GABRB2: variants seen among roughly 807,000 people sequenced by gnomAD.
GABRB2 encodes the protein gamma-aminobutyric acid type A receptor subunit beta2, also known as gamma-aminobutyric acid receptor subunit beta-2.
GABRB2 carries 16 observed loss-of-function variants against 54.7 expected under a neutral mutation model. The observed-to-expected ratio is 0.29, with a 90% CI of 0.20 to 0.44. The LOEUF is 0.44. Ranked by LOEUF, GABRB2 falls within the 20% of genes least tolerant of loss-of-function variation. GABRB2 has a pLI of 1.00. For missense variants in GABRB2, 355 were observed against 644.0 expected, an observed-to-expected ratio of 0.55 and a Z score of 4.86; for synonymous variants, 244 against 233.8, an observed-to-expected ratio of 1.04 and a Z score of -0.40.
chr5:161,491,512 T>C (rs760708439), intron 3 of GABRB2, among the ~76,000 whole-genome samples: 17 of 151,682 alleles, frequency 1.1e-4, no homozygotes, highest in Non-Finnish European at 2.5e-4. Context: ...AGAACGGTAC[T>C]GGTTCCAAAC....
At chr5:161,458,686 G>A (rs1307929338) in intron 4 of GABRB2, among the ~76,000 whole-genome samples, 1 of 152,170 alleles carries the variant, frequency 6.6e-6, no homozygotes, top group Non-Finnish European at 1.5e-5. Flanking sequence ...ATCAGCCTCT[G>A]TTTCTTCATT....
rs1314622441 is a variant in GABRB2, at chr5:161,434,442, G to T, written c.459-23385C>A. Among the ~76,000 whole-genome samples, 3 of 151,990 alleles carry T rather than the reference G, an allele frequency of 2.0e-5. No homozygotes were observed. In the East Asian group the frequency reaches 5.8e-4, roughly 29 times the overall value. On this transcript the variant is annotated intron_variant, in intron 4 of 9. Transcript: ENST00000393959. ...AGGCTCTTAAAAATTACTAACAAAA[G>T]ACTCTTCTTCCCTCTCTAACCTCTC...
At chr5:161,341,920 A>G (rs1343734074) in intron 5 of GABRB2, among the ~76,000 whole-genome samples, 1 of 118,752 alleles carries the variant, frequency 8.4e-6, no homozygotes, top group Non-Finnish European at 1.7e-5. Context: ...AATTAATGCC[A>G]CTATTTATTT....
intron 5 of GABRB2, among the ~76,000 whole-genome samples, chr5:161,374,298 T>C (rs1410064454): frequency 6.6e-6 from 1 of 152,170 alleles, no homozygotes; most frequent in African/African-American, 2.4e-5. Context: ...TCTTGATATT[T>C]CATCTAGCAT....
At chr5:161,509,907 T>C (rs1181218267) in intron 3 of GABRB2, among the ~76,000 whole-genome samples, 2 of 151,970 alleles carry the variant, frequency 1.3e-5, no homozygotes, top group Non-Finnish European at 2.9e-5. Context: ...CTATAACTAC[T>C]CTAAGATTAG....
intron 5 of GABRB2, among the ~76,000 whole-genome samples, chr5:161,409,157 T>G (rs1418979410): frequency 3.3e-5 from 5 of 152,040 alleles, no homozygotes; most frequent in Non-Finnish European, 5.9e-5. Context: ...CCCTCCAAAA[T>G]CAGTGTCTTT....
At chr5:161,419,989 G>T (rs1235938328) in intron 4 of GABRB2, among the ~76,000 whole-genome samples, 1 of 152,024 alleles carries the variant, frequency 6.6e-6, no homozygotes, top group Non-Finnish European at 1.5e-5. Context: ...AATTTAAAAT[G>T]ATCATGATAA....
chr5:161,356,119 A>G (rs1422955), intron 5 of GABRB2, among the ~76,000 whole-genome samples: 84,454 of 151,906 alleles, frequency 0.56, 25,264 homozygotes, highest in Non-Finnish European at 0.67. Flanking sequence ...CATGAATAGG[A>G]TCATGTGAAG....
At chr5:161,505,065 G>A (rs1759563051) in intron 3 of GABRB2, among the ~76,000 whole-genome samples, 2 of 150,980 alleles carry the variant, frequency 1.3e-5, no homozygotes, top group African/African-American at 4.9e-5. Context: ...TTTAAAAAAT[G>A]AATGAAGAGT....
intron 3 of GABRB2, among the ~76,000 whole-genome samples, chr5:161,473,389 G>A (rs907802016): frequency 1.3e-5 from 2 of 151,968 alleles, no homozygotes; most frequent in African/African-American, 4.8e-5. Context: ...GTGTAAGTAA[G>A]GTGGCAGGTT....
chr5:161,490,028 G>A (rs919890238), intron 3 of GABRB2, among the ~76,000 whole-genome samples: 1 of 151,558 alleles, frequency 6.6e-6, no homozygotes, highest in African/African-American at 2.4e-5. Context: ...AAGCATAGAA[G>A]CTGATCACTA....
At chr5:161,461,934 G>T (rs1253705807) in intron 3 of GABRB2, among the ~76,000 whole-genome samples, 3 of 152,002 alleles carry the variant, frequency 2.0e-5, no homozygotes, top group African/African-American at 7.2e-5. Context: ...TCTAACCTTT[G>T]TTGAGATTTA....
chr5:161,482,555 T>G (rs1758793147), intron 3 of GABRB2, among the ~76,000 whole-genome samples: 1 of 152,098 alleles, frequency 6.6e-6, no homozygotes, highest in South Asian at 2.1e-4. Flanking sequence ...GCACTGTAAC[T>G]TTCCCCAATA....
chr5:161,439,639 CAA>C (rs1430597925), intron 4 of GABRB2, among the ~76,000 whole-genome samples: 1 of 152,054 alleles, frequency 6.6e-6, no homozygotes, highest in Admixed American at 6.6e-5. Flanking sequence ...ATAGAAAAAA[CAA>C]AAAGTTTAAA....
chr5:161,376,749 C>T (rs1288828211), intron 5 of GABRB2, among the ~76,000 whole-genome samples: 1 of 152,102 alleles, frequency 6.6e-6, no homozygotes, highest in African/African-American at 2.4e-5. Flanking sequence ...CTGCCATATA[C>T]CCTAATTCCT....
At chr5:161,323,143 A>T (rs938370803) in intron 9 of GABRB2, among the ~76,000 whole-genome samples, 1 of 150,420 alleles carries the variant, frequency 6.6e-6, no homozygotes, top group African/African-American at 2.5e-5. Context: ...CCTGCCTCAG[A>T]CTCTAGTAGC....
At chr5:161,432,777 C>G (rs551118824) in intron 4 of GABRB2, among the ~76,000 whole-genome samples, 3 of 152,224 alleles carry the variant, frequency 2.0e-5, no homozygotes, top group Admixed American at 2.0e-4. Flanking sequence ...CATGGGCTCC[C>G]CAGAAACTGC....
chr5:161,489,904 T>G (rs189579415), intron 3 of GABRB2, among the ~76,000 whole-genome samples: 1 of 151,796 alleles, frequency 6.6e-6, no homozygotes, highest in Admixed American at 6.6e-5. Context: ...AATCCAAAGT[T>G]AAATCAAATG....
chr5:161,366,544 GA>G (rs1754978061), intron 5 of GABRB2, among the ~76,000 whole-genome samples: 1 of 152,128 alleles, frequency 6.6e-6, no homozygotes, highest in Non-Finnish European at 1.5e-5. Context: ...CCTGAGAGCA[GA>G]AATAACACTC....
Sources: allele counts gnomAD v4.1 joint callset (sites outside exome capture counted in the v4.1 genomes callset), GRCh38; gene constraint gnomAD v4.1.1; transcripts MANE v1.5; gene names NCBI Gene and HGNC (gene_info 2026-07-23, HGNC 2026-07-21).